Variants in WSCD2 observed in about 807,000 individuals in gnomAD.
The protein encoded by WSCD2 is WSC domain sialate O sulfotransferase 2.
In WSCD2, 28 loss-of-function variants were observed where a neutral mutation model predicts 55.7. The ratio of observed to expected loss-of-function variants is 0.50; its 90% CI spans 0.37 to 0.69. The LOEUF (loss-of-function observed/expected upper bound fraction) is 0.69. WSCD2 is among the 30% of genes least tolerant of loss of function. The pLI is 0.00. For synonymous variants in WSCD2, 301 were observed against 301.9 expected (o/e 1.00, Z 0.03); for missense variants, 616 against 762.1 (o/e 0.81, Z 2.26).
intron 1 of WSCD2, among the ~76,000 whole-genome samples, chr12:108,183,193 T>C (rs142493747): frequency 6.0e-4 from 92 of 152,324 alleles, no homozygotes; most frequent in African/African-American, 2.2e-3. Context: ...TTTATTCTTT[T>C]GACAATTCCA....
At position 108,182,194 on chromosome 12, in the gene WSCD2, CATCT is replaced by C. The variant is rs533466464; in HGVS notation, c.-551-13087_-551-13084del. On this transcript the variant is annotated intron_variant, in intron 1 of 8. Transcript: ENST00000547525. ...TTCTGTATATCGTTGTGTTTCCATC[CATCT>C]GTTTTTCTCTGCCAAAAGGGAGATT... 4.9e-3 allele frequency among the ~76,000 whole-genome samples: 739 copies of C among 152,294 alleles called. 3 individuals carry two copies. Among genetic ancestry groups the C allele is most frequent in the Non-Finnish European group, 7.5e-3 (510 of 68,028 alleles).
chr12:108,132,651 GT>G (rs1207977523), intron 1 of WSCD2, among the ~76,000 whole-genome samples: 1 of 152,232 alleles, frequency 6.6e-6, no homozygotes, highest in Non-Finnish European at 1.5e-5. Context: ...GGCTAAGCAG[GT>G]GTATGCCTGC....
Position 108,138,344 on chromosome 12 carries a change from C to T in WSCD2, c.-552+8418C>T, listed in dbSNP as rs1592866786. Among the ~76,000 whole-genome samples the T allele has an allele frequency of 5.3e-5, 8 of 152,230 alleles. No homozygotes were observed. The South Asian group carries it at 1.7e-3, about 32-fold the overall frequency. ...TCCAGTAGCTGGGTAAAAAGATGCC[C>T]CATTTAACTCTGTTGTGCCTTAGGA... is the stretch of plus-strand genomic sequence containing the variant. On this transcript the variant is annotated intron_variant, in intron 1 of 8. Transcript: ENST00000547525.
intron 3 of WSCD2, among the ~76,000 whole-genome samples, chr12:108,207,116 G>A (rs1448356058): frequency 1.3e-5 from 2 of 152,160 alleles, no homozygotes; most frequent in Non-Finnish European, 2.9e-5. Context: ...TTTTGAGAGT[G>A]GACAAGTCCC....
chr12:108,139,578 C>T (rs1224613470), intron 1 of WSCD2, among the ~76,000 whole-genome samples: 1 of 152,224 alleles, frequency 6.6e-6, no homozygotes, highest in African/African-American at 2.4e-5. Context: ...GCCACTTGCA[C>T]ACTCTCTAAC....
At chr12:108,226,576 G>GA (rs774148413) in intron 5 of WSCD2, among the ~76,000 whole-genome samples, 1 of 152,080 alleles carries the variant, frequency 6.6e-6, no homozygotes, top group Non-Finnish European at 1.5e-5. Context: ...CTCTATGCAG[G>GA]AAAAATGGAG....
Position 108,248,656 on chromosome 12 carries a change from A to G in WSCD2, c.*313A>G. On this transcript the variant is annotated 3_prime_UTR_variant, in exon 9 of 9. Transcript: ENST00000547525. This position sits in a 1 kb window ranked among gnomAD's most constrained non-coding sequence, Gnocchi z 4.3. ...CACCACTCTGGGTTCCATTTGTGGG[A>G]GGGAGGGCTCATCCACATCATGGAG... The G allele has an allele frequency of 9.1e-7, 1 of 1,102,714 alleles. No individual in the cohort carries two copies. Among genetic ancestry groups the G allele is most frequent in the Non-Finnish European group, 1.1e-6 (1 of 901,504 alleles). The allele number at this position is 1,102,714 out of a possible 1,614,324, so 68.3% of individuals were successfully genotyped here.
chr12:108,224,198 C>A (rs1000417443), intron 4 of WSCD2, among the ~76,000 whole-genome samples: 13 of 152,104 alleles, frequency 8.5e-5, no homozygotes, highest in Admixed American at 4.6e-4. Flanking sequence ...TGCAGCTTGT[C>A]GGTGCCCAAT....
intron 4 of WSCD2, among the ~76,000 whole-genome samples, chr12:108,223,113 C>T (rs1887708568): frequency 6.6e-6 from 1 of 152,182 alleles, no homozygotes; most frequent in Non-Finnish European, 1.5e-5. Context: ...GCATGAGGCT[C>T]ACCCACATTA....
chr12:108,227,075 AGCAGCTCTGT>A lies in WSCD2; in HGVS notation c.893_902del (p.Gln298ProfsTer137). 1 of 1,614,250 alleles carries A rather than the reference AGCAGCTCTGT, an allele frequency of 6.2e-7. No individual in the cohort carries two copies. Among genetic ancestry groups the A allele is most frequent in the South Asian group, 1.1e-5 (1 of 91,090 alleles). ...TTCCCGCTCCATGACAGAGAGGATG[AGCAGCTCTGT>A]GCCCAGAAGTGCAGCGCGGAGGAGT... On this transcript the variant is annotated frameshift_variant, in exon 6 of 9. Coordinates refer to ENST00000547525, the MANE Select transcript of WSCD2 (RefSeq NM_014653.4). LOFTEE classifies it high-confidence loss of function.
intron 1 of WSCD2, among the ~76,000 whole-genome samples, chr12:108,132,039 T>C (rs1875588269): frequency 6.6e-6 from 1 of 151,654 alleles, no homozygotes; most frequent in African/African-American, 2.4e-5. Flanking sequence ...TACAGCATTG[T>C]GTGTGTGTGT....
chr12:108,209,770 C>G (rs1464014240), intron 3 of WSCD2, among the ~76,000 whole-genome samples: 4 of 152,048 alleles, frequency 2.6e-5, no homozygotes, highest in African/African-American at 9.7e-5. Flanking sequence ...ATGGAGCATG[C>G]CTGTCTCACA....
At chr12:108,130,442 G>T (rs1314568293) in intron 1 of WSCD2, among the ~76,000 whole-genome samples, 1 of 151,794 alleles carries the variant, frequency 6.6e-6, no homozygotes, top group Non-Finnish European at 1.5e-5. Flanking sequence ...CTTTGTGTAG[G>T]GTGCCTTGCA....
In WSCD2 at chr12:108,142,676, G is replaced by A. The variant is rs573436632; in HGVS notation, c.-552+12750G>A. On this transcript the variant is annotated intron_variant, in intron 1 of 8. Coordinates refer to ENST00000547525, the MANE Select transcript of WSCD2 (RefSeq NM_014653.4). The stretch of plus-strand genomic sequence containing the variant: ...ACTCTTTTATTCTCAGGCATAAAAT[G>A]AAATTTATTGGCTTATAAAACTAGC... Among the ~76,000 whole-genome samples, 7 of 152,326 alleles carry A rather than the reference G, an allele frequency of 4.6e-5. 1 individual carries two copies. The highest frequency in any genetic ancestry group is 1.7e-4 in the African/African-American group (7 of 41,576).
At chr12:108,180,472 G>C (rs186678616) in intron 1 of WSCD2, among the ~76,000 whole-genome samples, 14 of 152,362 alleles carry the variant, frequency 9.2e-5, no homozygotes, top group African/African-American at 3.4e-4. Context: ...GACAAACCTT[G>C]GCTTGCCAAA....
At chr12:108,201,681 AC>A (rs1884701182) in intron 2 of WSCD2, among the ~76,000 whole-genome samples, 1 of 152,094 alleles carries the variant, frequency 6.6e-6, no homozygotes, top group Non-Finnish European at 1.5e-5. Flanking sequence ...GATCTGGTTG[AC>A]TCCAGTACAG....
intron 1 of WSCD2, among the ~76,000 whole-genome samples, chr12:108,165,315 C>T (rs770653119): frequency 5.5e-4 from 83 of 152,284 alleles, no homozygotes; most frequent in Middle Eastern, 3.4e-3. Flanking sequence ...ATTCATGGTT[C>T]CAGGTGTTGT....
chr12:108,249,607 G>A lies in WSCD2; in HGVS notation c.*1264G>A, dbSNP rs1055820102. ...CATCCATCATTATGTAGATGAAAAA[G>A]CCATAGGTCATAGCCTCTTTGCTAT... is the stretch of plus-strand genomic sequence containing the variant. On this transcript the variant is annotated 3_prime_UTR_variant, in exon 9 of 9. Transcript: ENST00000547525. 6.6e-6 allele frequency: 1 copy of A among 152,620 alleles called. No individual in the cohort carries two copies. Among genetic ancestry groups the A allele is most frequent in the Admixed American group, 6.5e-5 (1 of 15,286 alleles). 9.5% of individuals were successfully genotyped at this position (152,620 alleles called of 1,614,324 possible).
chr12:108,206,496 G>GT, intron 3 of WSCD2, 93 bp downstream of exon 3: 3 of 1,257,582 alleles, frequency 2.4e-6, no homozygotes, highest in Non-Finnish European at 3.4e-6. Flanking sequence ...GGGAGGGTGT[G>GT]TTGAAGGGTG....
Sources: allele counts gnomAD v4.1 joint callset (sites outside exome capture counted in the v4.1 genomes callset), GRCh38; gene constraint gnomAD v4.1.1; non-coding constraint Gnocchi (gnomAD v3.1); transcripts MANE v1.5; gene names NCBI Gene and HGNC (gene_info 2026-07-23, HGNC 2026-07-21).